STRN: variants seen among roughly 807,000 people sequenced by gnomAD.
STRN encodes striatin, also known as protein phosphatase 2 regulatory subunit B'''alpha.
Under a neutral mutation model 96.3 loss-of-function variants are expected in STRN, and 53 were observed. The ratio of observed to expected loss-of-function variants is 0.55; its 90% CI spans 0.44 to 0.69. The LOEUF (loss-of-function observed/expected upper bound fraction) is 0.69. Among genes scored for constraint, STRN ranks in the 30% least tolerant of loss-of-function variants. The pLI is 0.00. For missense variants in STRN, 987 were observed against 963.9 expected, an observed-to-expected ratio of 1.02 and a Z score of -0.32; for synonymous variants, 428 against 355.9, an observed-to-expected ratio of 1.20 and a Z score of -2.28.
At position 36,855,291 on chromosome 2, in the gene STRN, T is replaced by C. The variant is rs1489776689; in HGVS notation, c.1899A>G (p.Ser633=). Residue 633 remains serine (S), a synonymous_variant, in exon 15 of 18, where the codon TCA becomes TCG. Transcript: ENST00000263918. ...AAATGCTTGTATATCCCTTGCTGAA[T>C]GATGCTACCATATGGCTCGGGTCAC... The part of the protein sequence containing the change: ...VSSDPSHMVA[S]FSKGYTSIFN... 3.7e-6 allele frequency: 6 copies of C among 1,613,968 alleles called. No individual in the cohort carries two copies. Among genetic ancestry groups the C allele is most frequent in the South Asian group, 1.1e-5 (1 of 91,074 alleles).
At position 36,886,529 on chromosome 2, in the gene STRN, T is replaced by C. The variant is rs138077882; in HGVS notation, c.1042+187A>G. Among the ~76,000 whole-genome samples the C allele has an allele frequency of 3.2e-3, 486 of 152,266 alleles. 5 individuals are homozygous for C. The highest frequency in any genetic ancestry group is 0.027 in the Middle Eastern group (8 of 294). ...TGATTCCATAAGTACATGTGGGTTG[T>C]TTTCTTTTAAGTTCATAATTAAATA... On this transcript the variant is annotated intron_variant, in intron 8 of 17. Transcript: ENST00000263918.
Position 36,840,595 on chromosome 2 carries a change from GCTCT to G in STRN, c.*8857_*8860del, listed in dbSNP as rs1355678121. 5.3e-5 allele frequency: 8 copies of G among 149,782 alleles called. No individual in the cohort carries two copies. In the East Asian group the frequency reaches 7.8e-4, roughly 15 times the overall value. 9.3% of individuals were successfully genotyped at this position (149,782 alleles called of 1,614,324 possible). On this transcript the variant is annotated 3_prime_UTR_variant, in exon 18 of 18. Transcript: ENST00000263918. ...TTGTATAATTTAGATTTTGAAATGG[GCTCT>G]CTGATTACTCAGCCAACAAATATTT...
intron 7 of STRN, 129 bp from the exon 8 acceptor site, chr2:36,886,955 C>A: frequency 8.6e-6 from 5 of 580,882 alleles, no homozygotes; most frequent in Admixed American, 3.4e-5. Context: ...TCAGTTTATT[C>A]ATTTTATATA....
chr2:36,946,626 A>G (rs1164395046), intron 1 of STRN, among the ~76,000 whole-genome samples: 2 of 152,232 alleles, frequency 1.3e-5, no homozygotes, highest in African/African-American at 4.8e-5. Flanking sequence ...CTCTCTAAAC[A>G]GTAGGTTTGT....
intron 1 of STRN, among the ~76,000 whole-genome samples, chr2:36,933,878 G>A (rs1670636003): frequency 1.3e-5 from 2 of 152,210 alleles, no homozygotes; most frequent in South Asian, 2.1e-4. Flanking sequence ...GGGAGGCCGA[G>A]GCAGGTGGAT....
intron 1 of STRN, among the ~76,000 whole-genome samples, chr2:36,963,881 T>C (rs1665089055): frequency 6.6e-6 from 1 of 151,832 alleles, no homozygotes; most frequent in African/African-American, 2.4e-5. Context: ...TGCTTAAACT[T>C]GGGAGGCTGA....
rs1289698410 is a variant in STRN at position 36,899,621 on chromosome 2, T to C, written c.697A>G (p.Asn233Asp). Residue 233 changes from asparagine (N) to aspartate (D), a missense_variant, in exon 6 of 18, where the codon AAT (asparagine) becomes GAT (aspartate). Physicochemically the swap from Asn to Asp is conservative, Grantham distance 23 (BLOSUM62 1). Transcript: ENST00000263918. Reference protein sequence around the residue: ...ELTDSASVLDNFKFLESAAAD... With the variant: ...ELTDSASVLDDFKFLESAAAD... The stretch of plus-strand genomic sequence containing the variant: ...GCTGCACTTTCAAGGAATTTGAAAT[T>C]ATCCAGCACGGAGGCAGAATCTGTT... The C allele has an allele frequency of 5.6e-6, 9 of 1,613,428 alleles. No homozygotes were observed. The highest frequency in any genetic ancestry group is 1.1e-5 in the South Asian group (1 of 90,974).
chr2:36,946,111 G>T (rs1035081900), intron 1 of STRN, among the ~76,000 whole-genome samples: 2 of 151,434 alleles, frequency 1.3e-5, no homozygotes, highest in African/African-American at 4.9e-5. Context: ...AAAAAGAGAG[G>T]TATAAATACC....
At chr2:36,873,781 A>C (rs1320128638) in intron 10 of STRN, among the ~76,000 whole-genome samples, 2 of 151,416 alleles carry the variant, frequency 1.3e-5, no homozygotes, top group Non-Finnish European at 1.5e-5. Context: ...TGTCTCTACT[A>C]AGAATACAAA....
At chr2:36,906,032 T>C (rs1669809965) in intron 3 of STRN, among the ~76,000 whole-genome samples, 1 of 152,208 alleles carries the variant, frequency 6.6e-6, no homozygotes, top group Non-Finnish European at 1.5e-5. Flanking sequence ...GGATTATTTG[T>C]AACACAAAGG....
At chr2:36,905,157 T>C (rs1187137306) in intron 4 of STRN, among the ~76,000 whole-genome samples, 2 of 152,084 alleles carry the variant, frequency 1.3e-5, no homozygotes, top group East Asian at 1.9e-4. Context: ...TTAGTAGAGA[T>C]GGAGTTTCAC....
At chr2:36,962,778 G>A (rs2083580335) in intron 1 of STRN, among the ~76,000 whole-genome samples, 1 of 152,108 alleles carries the variant, frequency 6.6e-6, no homozygotes, top group South Asian at 2.1e-4. Flanking sequence ...AAGTGCTGGG[G>A]ATTACAGGTG....
chr2:36,881,537 G>C (rs1669070377), intron 9 of STRN, among the ~76,000 whole-genome samples: 1 of 152,194 alleles, frequency 6.6e-6, no homozygotes, highest in African/African-American at 2.4e-5. Context: ...AGAAGTATCA[G>C]TTATAGACAA....
rs1558618008 is a variant in STRN, at chr2:36,846,993, C to T, written c.*2463G>A. On this transcript the variant is annotated 3_prime_UTR_variant, in exon 18 of 18. Coordinates refer to ENST00000263918, the MANE Select transcript of STRN (RefSeq NM_003162.4). ...TGAATTTGTTCATTCTGTGAATTTT[C>T]ATTGAATGTTCAACAGGCTAGGGGA... 1 of 152,148 alleles carries T rather than the reference C, an allele frequency of 6.6e-6. No individual in the cohort carries two copies. Among genetic ancestry groups the T allele is most frequent in the Non-Finnish European group, 1.5e-5 (1 of 68,010 alleles). The allele number at this position is 152,148 out of a possible 1,614,324, so 9.4% of individuals were successfully genotyped here.
rs183559408 is a variant in STRN, at chr2:36,913,118, G to A, written c.412+2960C>T. Among the ~76,000 whole-genome samples, 3 of 152,186 alleles carry A rather than the reference G, an allele frequency of 2.0e-5. No individual in the cohort carries two copies. In the East Asian group the frequency reaches 5.8e-4, roughly 29 times the overall value. On this transcript the variant is annotated intron_variant, in intron 3 of 17. Coordinates refer to ENST00000263918, the MANE Select transcript of STRN (RefSeq NM_003162.4). The stretch of plus-strand genomic sequence containing the variant: ...GGTTTCTGCAACAATCCTCTAACCA[G>A]TTGCCCCATCTCCAACGTTGCTCCT...
chr2:36,901,201 T>C (rs1441364965), intron 5 of STRN, among the ~76,000 whole-genome samples: 1 of 152,134 alleles, frequency 6.6e-6, no homozygotes, highest in African/African-American at 2.4e-5. Context: ...ACAAGAGTGG[T>C]CTTCCCTCAA....
rs980455957 is a variant in STRN, at chr2:36,844,029, G to A, written c.*5427C>T. ...CTGGAGGACTGGGTGTGGAGAGAAA[G>A]GGTTATTTAGGAATCTGAATTGATG... On this transcript the variant is annotated 3_prime_UTR_variant, in exon 18 of 18. Transcript: ENST00000263918. 1.3e-5 allele frequency: 2 copies of A among 152,134 alleles called. No individual in the cohort carries two copies. The highest frequency in any genetic ancestry group is 4.8e-5 in the African/African-American group (2 of 41,428). 9.4% of individuals were successfully genotyped at this position (152,134 alleles called of 1,614,324 possible).
intron 1 of STRN, among the ~76,000 whole-genome samples, chr2:36,959,691 C>A (rs1664981170): frequency 6.6e-6 from 1 of 152,124 alleles, no homozygotes; most frequent in Non-Finnish European, 1.5e-5. Context: ...GAAATTATAT[C>A]CCAAATTCTA....
chr2:36,942,506 T>C (rs1186172269), intron 1 of STRN, among the ~76,000 whole-genome samples: 3 of 152,202 alleles, frequency 2.0e-5, no homozygotes, highest in Non-Finnish European at 4.4e-5. Context: ...AGCGGTGCTC[T>C]TGATGCATAT....
Sources: gnomAD v4.1 joint callset for allele counts (sites outside exome capture counted in the v4.1 genomes callset) on GRCh38, gnomAD v4.1.1 for gene constraint, MANE v1.5 for transcripts, NCBI Gene and HGNC (gene_info 2026-07-23, HGNC 2026-07-21) for gene names.